Variants in SLC38A6 observed in about 807,000 individuals in gnomAD.
SLC38A6 encodes N system amino acid transporter NAT-1.
In SLC38A6, 73 loss-of-function variants were observed where a neutral mutation model predicts 65.0. The ratio of observed to expected loss-of-function variants is 1.12; its 90% CI spans 0.93 to 1.37. The LOEUF is 1.37. Among genes scored for constraint, SLC38A6 ranks in the 40% most tolerant of loss-of-function variants. The pLI is 0.00. For synonymous variants in SLC38A6, 183 were observed against 178.8 expected (o/e 1.02, Z -0.19); for missense variants, 561 against 531.1 (o/e 1.06, Z -0.55).
intron 6 of SLC38A6, among the ~76,000 whole-genome samples, chr14:61,034,915 T>C (rs1200352393): frequency 6.6e-6 from 1 of 152,158 alleles, no homozygotes; most frequent in African/African-American, 2.4e-5. Context: ...CCTTCTCTTG[T>C]TCTGTTAAAG....
rs553452747 is a variant in SLC38A6 at position 61,066,702 on chromosome 14, A to G, written c.1291-12108A>G. On this transcript the variant is annotated intron_variant, in intron 15 of 16. Transcript: ENST00000354886. Reference sequence around the variant, plus strand: ...CAAGTCCTGCTGCAGAACCACATATACAAAATATCAACCCTGTGTAAACAT... The same window carrying G: ...CAAGTCCTGCTGCAGAACCACATATGCAAAATATCAACCCTGTGTAAACAT... Among the ~76,000 whole-genome samples the G allele has an allele frequency of 6.6e-5, 10 of 152,326 alleles. No homozygotes were observed. In the East Asian group the frequency reaches 1.9e-3, roughly 29 times the overall value.
intron 3 of SLC38A6, among the ~76,000 whole-genome samples, chr14:61,004,857 T>C (rs1422767905): frequency 6.6e-6 from 1 of 152,160 alleles, no homozygotes; most frequent in East Asian, 1.9e-4. Flanking sequence ...ATCATCCTGA[T>C]ACCAAAGCCA....
chr14:60,985,875 G>C (rs566085425), intron 3 of SLC38A6, among the ~76,000 whole-genome samples: 3 of 152,260 alleles, frequency 2.0e-5, no homozygotes, highest in South Asian at 2.1e-4. Context: ...GATATGCAGA[G>C]ATCACATGGC....
chr14:61,075,660 T>C (rs1050162150), intron 15 of SLC38A6, among the ~76,000 whole-genome samples: 5 of 152,096 alleles, frequency 3.3e-5, no homozygotes, highest in South Asian at 2.1e-4. Flanking sequence ...ATCTTGGAGA[T>C]TGGAGCAGTT....
At chr14:61,051,037 G>A (rs2042478318) in intron 13 of SLC38A6, among the ~76,000 whole-genome samples, 2 of 152,166 alleles carry the variant, frequency 1.3e-5, no homozygotes, top group East Asian at 3.8e-4. Context: ...TTTCACATAA[G>A]CATTCTAGTT....
intron 3 of SLC38A6, among the ~76,000 whole-genome samples, chr14:61,011,339 G>C (rs1167092546): frequency 6.6e-6 from 1 of 152,122 alleles, no homozygotes; most frequent in Non-Finnish European, 1.5e-5. Flanking sequence ...GGGACAATTT[G>C]ACTTCCTCTT....
intron 1 of SLC38A6, 21 bp from the exon 2 acceptor site, chr14:60,982,487 A>G (rs369248677): frequency 1.9e-6 from 3 of 1,600,664 alleles, no homozygotes; most frequent in African/African-American, 2.7e-5. Flanking sequence ...ATTTAACACT[A>G]CTAAATTTGT....
intron 12 of SLC38A6, 77 bp from the exon 13 acceptor site, chr14:61,050,435 T>TA: frequency 1.0e-6 from 1 of 961,568 alleles, no homozygotes; most frequent in Admixed American, 3.4e-5. Flanking sequence ...TATCATCCAT[T>TA]AGTGCAAAGG....
At chr14:61,077,820 A>C (rs1178115078) in intron 15 of SLC38A6, among the ~76,000 whole-genome samples, 1 of 152,152 alleles carries the variant, frequency 6.6e-6, no homozygotes, top group Non-Finnish European at 1.5e-5. Context: ...TCCCACACTC[A>C]GTTACTTAAA....
At chr14:61,010,853 T>C (rs1595061716) in intron 3 of SLC38A6, among the ~76,000 whole-genome samples, 2 of 152,164 alleles carry the variant, frequency 1.3e-5, no homozygotes, top group African/African-American at 2.4e-5. Context: ...TTAGGATTGA[T>C]TTGGCAATGC....
At chr14:61,020,517 G>C (rs981366183) in intron 5 of SLC38A6, among the ~76,000 whole-genome samples, 1 of 151,846 alleles carries the variant, frequency 6.6e-6, no homozygotes, top group African/African-American at 2.4e-5. Context: ...AGGTTTTTTT[G>C]GTTAAGGAAA....
At chr14:61,046,369 A>G (rs982289246) in intron 12 of SLC38A6, among the ~76,000 whole-genome samples, 2 of 152,204 alleles carry the variant, frequency 1.3e-5, no homozygotes, top group African/African-American at 4.8e-5. Context: ...TTTAAGATTA[A>G]TGACTTCTTA....
At chr14:60,983,681 T>A (rs1460462250) in intron 2 of SLC38A6, among the ~76,000 whole-genome samples, 1 of 152,220 alleles carries the variant, frequency 6.6e-6, no homozygotes. Flanking sequence ...AAGCAACTTT[T>A]AAGTAACCCA....
chr14:61,009,155 A>G (rs1003955589), intron 3 of SLC38A6, among the ~76,000 whole-genome samples: 7 of 152,242 alleles, frequency 4.6e-5, no homozygotes, highest in African/African-American at 1.7e-4. Flanking sequence ...TTAAACTGCT[A>G]GGAGTTGCAA....
At chr14:61,014,498 TC>T (rs920566138) in intron 3 of SLC38A6, among the ~76,000 whole-genome samples, 3 of 152,200 alleles carry the variant, frequency 2.0e-5, no homozygotes, top group African/African-American at 7.2e-5. Context: ...CTCTGTTTTT[TC>T]CCCATCTTTG....
intron 7 of SLC38A6, 53 bp downstream of exon 7, chr14:61,037,194 A>C: frequency 1.5e-6 from 2 of 1,325,466 alleles, no homozygotes; most frequent in Non-Finnish European, 2.1e-6. Context: ...GAAGGGAGGG[A>C]GGGAAAGAGA....
At chr14:61,067,354 C>G (rs1438504264) in intron 15 of SLC38A6, among the ~76,000 whole-genome samples, 1 of 152,130 alleles carries the variant, frequency 6.6e-6, no homozygotes, top group Non-Finnish European at 1.5e-5. Context: ...TACTGTCCCT[C>G]AAATCACATA....
rs2296921 is a variant in SLC38A6 at position 61,043,206 on chromosome 14, T to C, written c.684T>C (p.Gly228=). The C allele has an allele frequency of 0.96, 1,439,614 of 1,504,974 alleles. 692,363 individuals carry two copies. Among genetic ancestry groups the C allele is most frequent in the Non-Finnish European group, 0.99 (1,088,261 of 1,103,056 alleles). The allele number at this position is 1,504,974 out of a possible 1,614,324, so 93.2% of individuals were successfully genotyped here. ...CPLTLNYVEK[G]FQISNVTDDC... ...TGACATTAAATTATGTAGAGAAAGG[T>C]TTCCAGGTAATAGCTTATATTTTCT... The change falls in exon 9 of 16, where the codon GGT becomes GGC. Residue 228 remains glycine, a synonymous_variant. Coordinates refer to ENST00000267488, the MANE Select transcript of SLC38A6 (RefSeq NM_153811.3).
At chr14:61,063,227 T>G (rs1433291569) in intron 15 of SLC38A6, among the ~76,000 whole-genome samples, 1 of 152,148 alleles carries the variant, frequency 6.6e-6, no homozygotes, top group Non-Finnish European at 1.5e-5. Context: ...TTGTTCTACT[T>G]GGTAGAATTT....
Sources: allele counts gnomAD v4.1 joint callset (sites outside exome capture counted in the v4.1 genomes callset), GRCh38; gene constraint gnomAD v4.1.1; transcripts MANE v1.5; gene names NCBI Gene and HGNC (gene_info 2026-07-23, HGNC 2026-07-21).